Variants in REV1 observed in about 807,000 individuals in gnomAD.
REV1 encodes the protein REV1 DNA directed polymerase.
A neutral mutation model predicts 137.4 loss-of-function variants in REV1; 42 were observed. The observed-to-expected ratio is 0.31, with a 90% CI of 0.24 to 0.40. The LOEUF (loss-of-function observed/expected upper bound fraction) is 0.40. REV1 is among the 10% of genes least tolerant of loss of function. The pLI is 1.00. For synonymous variants in REV1, 524 were observed against 519.2 expected (o/e 1.01, Z -0.12); for missense variants, 1,282 against 1,490.1 (o/e 0.86, Z 2.30).
chr2:99,439,585 T>G (rs1681213770), intron 5 of REV1, among the ~76,000 whole-genome samples: 1 of 152,222 alleles, frequency 6.6e-6, no homozygotes, highest in South Asian at 2.1e-4. Flanking sequence ...GTTTTTTGTT[T>G]GTTTTTTATT....
At position 99,457,479 on chromosome 2, in the gene REV1, C is replaced by T. The variant is rs202176815; in HGVS notation, c.181+5017G>A. On this transcript the variant is annotated intron_variant, in intron 3 of 22. Coordinates refer to ENST00000258428, the MANE Select transcript of REV1 (RefSeq NM_016316.4). ...GGCAAATCACCTGAGGTCAGGAGTT[C>T]GAGACCAGCCTGGCCAACATGGCGA... is the stretch of plus-strand genomic sequence containing the variant. Among the ~76,000 whole-genome samples the T allele has an allele frequency of 6.6e-4, 100 of 152,120 alleles. 2 individuals carry two copies. In the East Asian group the frequency reaches 0.014, roughly 21 times the overall value.
chr2:99,437,708 A>T (rs1680937424), intron 6 of REV1, among the ~76,000 whole-genome samples: 1 of 152,192 alleles, frequency 6.6e-6, no homozygotes, highest in Non-Finnish European at 1.5e-5. Flanking sequence ...TAGTTCTTAG[A>T]AGCATTAAGA....
chr2:99,448,558 C>T (rs188598576), intron 4 of REV1, among the ~76,000 whole-genome samples: 4 of 152,304 alleles, frequency 2.6e-5, no homozygotes, highest in African/African-American at 7.2e-5. Context: ...TTTCCCCCTA[C>T]TCCTAGCATT....
In REV1 at chr2:99,402,767, C is replaced by G. The variant is rs774097504; in HGVS notation, c.3418G>C (p.Gly1140Arg). Residue 1140 changes from glycine to arginine, a missense_variant, in exon 21 of 23, where the codon GGC (glycine) becomes CGC (arginine). By Grantham distance (125) the Gly-to-Arg change is moderately radical. Around this residue, in one of 7 missense-constraint regions of REV1, gnomAD observed 170 missense variants for 156.8 expected, o/e 1.08. Coordinates refer to ENST00000258428, the MANE Select transcript of REV1 (RefSeq NM_016316.4). ...ELSASTSGVP[G>R]LSSLQSDPAG... ...GGGTCAGACTGCAAACTAGAAAGGC[C>G]TGGCACACCTGAAGTAGAAGCAGAG... The G allele has an allele frequency of 1.2e-5, 20 of 1,614,084 alleles. No individual in the cohort carries two copies. The highest frequency in any genetic ancestry group is 5.0e-5 in the Admixed American group (3 of 60,006).
At chr2:99,478,650 C>G (rs755607367) in intron 1 of REV1, among the ~76,000 whole-genome samples, 11 of 152,126 alleles carry the variant, frequency 7.2e-5, no homozygotes, top group Non-Finnish European at 1.3e-4. Flanking sequence ...CAGAACTTAG[C>G]TGAAGAATAA....
At chr2:99,424,467 A>C (rs766294860) in intron 9 of REV1, 187 bp from the exon 10 acceptor site, 69 of 628,926 alleles carry the variant, frequency 1.1e-4, no homozygotes, top group Non-Finnish European at 1.6e-4. Flanking sequence ...CAACTGTCTG[A>C]ATAGTGTAAA....
chr2:99,469,405 C>T (rs1361228836), intron 1 of REV1, among the ~76,000 whole-genome samples: 1 of 152,186 alleles, frequency 6.6e-6, no homozygotes, highest in African/African-American at 2.4e-5. Flanking sequence ...TCGAAAGGTT[C>T]ACAAGCTAAA....
In REV1 at chr2:99,429,825, A is replaced by G. The variant is rs369207234; in HGVS notation, c.1547+15T>C. On this transcript the variant is annotated intron_variant, in intron 9 of 22. Transcript: ENST00000258428. ...AATTATTCATTAAGAATTGTAACAC[A>G]CAACTTCTACATACCTGGCCTCATA... 6.9e-7 allele frequency: 1 copy of G among 1,440,618 alleles called. No homozygotes were observed. The highest frequency in any genetic ancestry group is 9.5e-7 in the Non-Finnish European group (1 of 1,056,378). The allele number at this position is 1,440,618 out of a possible 1,614,324, so 89.2% of individuals were successfully genotyped here. A position where few individuals can be genotyped will look rare whatever the true frequency, so the allele number is the denominator to read the frequency against.
At chr2:99,471,840 T>C (rs1022943815) in intron 1 of REV1, among the ~76,000 whole-genome samples, 2 of 112,172 alleles carry the variant, frequency 1.8e-5, no homozygotes, top group South Asian at 2.6e-4. Context: ...GAAATGCAAA[T>C]AGAAACCACA....
chr2:99,416,078 G>A (rs1458868647), intron 12 of REV1, among the ~76,000 whole-genome samples: 1 of 152,228 alleles, frequency 6.6e-6, no homozygotes, highest in African/African-American at 2.4e-5. Flanking sequence ...TGCGCAGCAC[G>A]TATGTGGTCA....
intron 8 of REV1, chr2:99,431,925 A>G: frequency 1.0e-6 from 1 of 984,396 alleles, no homozygotes. Flanking sequence ...GAGAAATCAG[A>G]GGCCAGGACC....
chr2:99,408,029 C>T lies in REV1; in HGVS notation c.2448G>A (p.Gly816=), dbSNP rs1317072648. ...ATTTACAATGTTACTATATACTTAC[C>T]CCTCTCATATCTGATATATTTAGTT... ...TMKLNISDMR[G]VGIHVNQLVP... is the part of the protein sequence containing the mutation. The change falls in exon 15 of 23, where the codon GGG becomes GGA. Residue 816 remains glycine, a splice_region_variant and synonymous_variant. Transcript: ENST00000258428. 3.9e-6 allele frequency: 6 copies of T among 1,532,686 alleles called. No homozygotes were observed. The highest frequency in any genetic ancestry group is 5.4e-6 in the Non-Finnish European group (6 of 1,119,946). 94.9% of individuals were successfully genotyped at this position (1,532,686 alleles called of 1,614,324 possible). A position where few individuals can be genotyped will look rare whatever the true frequency, so the allele number is the denominator to read the frequency against.
At chr2:99,417,793 A>G (rs943530132) in intron 12 of REV1, among the ~76,000 whole-genome samples, 2 of 152,162 alleles carry the variant, frequency 1.3e-5, no homozygotes, top group Admixed American at 1.3e-4. Context: ...TTAAAACTCA[A>G]ATTTTACATG....
chr2:99,424,371 A>G (rs569562049), intron 9 of REV1, 91 bp from the exon 10 acceptor site: 2 of 1,309,518 alleles, frequency 1.5e-6, no homozygotes, highest in Non-Finnish European at 2.1e-6. Context: ...CCATGCCACT[A>G]ATTTATAATT....
chr2:99,461,492 T>C lies in REV1; in HGVS notation c.181+1004A>G, dbSNP rs1323915732. Among the ~76,000 whole-genome samples, 5 of 152,234 alleles carry C rather than the reference T, an allele frequency of 3.3e-5. No individual in the cohort carries two copies. The East Asian group carries it at 7.7e-4, about 24-fold the overall frequency. On this transcript the variant is annotated intron_variant, in intron 3 of 22. Coordinates refer to ENST00000258428, the MANE Select transcript of REV1 (RefSeq NM_016316.4). Reference sequence around the variant, plus strand: ...AATCAGTATGAAGACAGTCAAACTATCAAGGGAAAGCGAGGCATGGAGACC... The same window carrying C: ...AATCAGTATGAAGACAGTCAAACTACCAAGGGAAAGCGAGGCATGGAGACC...
At position 99,408,046 on chromosome 2, in the gene REV1, T is replaced by A. The variant is rs373651460; in HGVS notation, c.2431A>T (p.Ile811Leu). The A allele has an allele frequency of 3.1e-6, 5 of 1,590,616 alleles. No individual in the cohort carries two copies. Among genetic ancestry groups the A allele is most frequent in the Non-Finnish European group, 4.3e-6 (5 of 1,163,624 alleles). ...ATACTTACCCCTCTCATATCTGATA[T>A]ATTTAGTTTCATTGTATGAAACATG... ...LNMFHTMKLN[I>L]SDMRGVGIHV... is the part of the protein sequence containing the mutation. The change falls in exon 15 of 23, where the codon ATA becomes TTA. Residue 811 changes from isoleucine (I) to leucine (L), a missense_variant. Ile to Leu is a conservative substitution (Grantham distance 5). Around this residue, in one of 7 missense-constraint regions of REV1, gnomAD observed 372 missense variants for 482.3 expected, o/e 0.77. Transcript: ENST00000258428.
chr2:99,402,193 C>A, intron 22 of REV1, 51 bp downstream of exon 22: 1 of 751,104 alleles, frequency 1.3e-6, no homozygotes. Flanking sequence ...ACACCCTCAG[C>A]CATTGTGACA....
intron 5 of REV1, among the ~76,000 whole-genome samples, chr2:99,440,894 T>C (rs902066105): frequency 3.9e-5 from 6 of 152,202 alleles, no homozygotes; most frequent in Admixed American, 6.5e-5. Context: ...ATTGTTAACA[T>C]ACATTCTTGC....
chr2:99,479,455 A>C (rs1346683280), intron 1 of REV1, among the ~76,000 whole-genome samples: 2 of 151,930 alleles, frequency 1.3e-5, no homozygotes, highest in Non-Finnish European at 2.9e-5. Context: ...AATTTACTAT[A>C]ATCTATAGTT....
Sources: allele counts gnomAD v4.1 joint callset (sites outside exome capture counted in the v4.1 genomes callset), GRCh38; gene constraint gnomAD v4.1.1; regional missense constraint gnomAD v4.1.1; transcripts MANE v1.5; gene names NCBI Gene and HGNC (gene_info 2026-07-23, HGNC 2026-07-21).